The following SNTG1 variants were observed in gnomAD, a reference collection of about 807,000 sequenced individuals.
The protein encoded by SNTG1 is gamma-1-syntrophin.
Under a neutral mutation model 74.7 loss-of-function variants are expected in SNTG1, and 39 were observed. That is an observed-to-expected ratio of 0.52 (90% CI 0.40 to 0.68). The LOEUF is 0.68. Among genes scored for constraint, SNTG1 ranks in the 30% least tolerant of loss-of-function variants. SNTG1 has a pLI of 0.00. For missense variants in SNTG1, 685 were observed against 609.5 expected, an observed-to-expected ratio of 1.12 and a Z score of -1.30; for synonymous variants, 254 against 217.1, an observed-to-expected ratio of 1.17 and a Z score of -1.49.
intron 8 of SNTG1, among the ~76,000 whole-genome samples, chr8:50,500,643 C>A (rs956337298): frequency 2.6e-5 from 4 of 152,108 alleles, no homozygotes; most frequent in Non-Finnish European, 5.9e-5. Context: ...TTAGGTGACT[C>A]TGCCTCTTAC....
intron 8 of SNTG1, among the ~76,000 whole-genome samples, chr8:50,486,894 A>C (rs1370372792): frequency 6.6e-6 from 1 of 152,220 alleles, no homozygotes; most frequent in Non-Finnish European, 1.5e-5. Context: ...CCTTTTCTGC[A>C]TCTATTGAGA....
In SNTG1 at chr8:50,318,909, C is replaced by T. The variant is rs543384432; in HGVS notation, c.-27-75303C>T. On this transcript the variant is annotated intron_variant, in intron 2 of 18. Transcript: ENST00000642720. ...TTCTATTTCAATTCTATAATTCTTA[C>T]GTTTTATCAATAGAATACATATATG... Among the ~76,000 whole-genome samples the T allele has an allele frequency of 2.2e-4, 34 of 151,652 alleles. No homozygotes were observed. The East Asian group carries it at 4.3e-3, about 19-fold the overall frequency.
At chr8:50,097,313 C>A (rs1384523015) in intron 1 of SNTG1, among the ~76,000 whole-genome samples, 1 of 149,310 alleles carries the variant, frequency 6.7e-6, no homozygotes, top group African/African-American at 2.5e-5. Flanking sequence ...TTGATATAGT[C>A]CATGTTGAAG....
intron 17 of SNTG1, among the ~76,000 whole-genome samples, chr8:50,729,347 C>T (rs777739923): frequency 6.6e-6 from 1 of 152,142 alleles, no homozygotes; most frequent in Non-Finnish European, 1.5e-5. Context: ...CTACAAGGGC[C>T]TCTGACTAAG....
At chr8:50,523,038 A>C (rs1011226237) in intron 9 of SNTG1, among the ~76,000 whole-genome samples, 4 of 152,146 alleles carry the variant, frequency 2.6e-5, no homozygotes, top group Non-Finnish European at 5.9e-5. Context: ...TTGTTTCTTC[A>C]TCTTGTAATT....
At chr8:50,497,885 T>A (rs757145694) in intron 8 of SNTG1, among the ~76,000 whole-genome samples, 2 of 152,034 alleles carry the variant, frequency 1.3e-5, no homozygotes, top group Non-Finnish European at 2.9e-5. Flanking sequence ...CTGGCTTCTT[T>A]CACTAAATAT....
At chr8:50,246,554 C>T (rs1028616344) in intron 2 of SNTG1, among the ~76,000 whole-genome samples, 1 of 151,020 alleles carries the variant, frequency 6.6e-6, no homozygotes, top group African/African-American at 2.4e-5. Flanking sequence ...CAGAAGGAGC[C>T]AAATCAGGGT....
chr8:50,378,528 G>T (rs2092427434), intron 2 of SNTG1, among the ~76,000 whole-genome samples: 1 of 152,156 alleles, frequency 6.6e-6, no homozygotes, highest in African/African-American at 2.4e-5. Flanking sequence ...GAGGTGTGCA[G>T]ACAAGTGGAG....
chr8:50,363,577 C>T (rs963691432), intron 2 of SNTG1, among the ~76,000 whole-genome samples: 13 of 151,902 alleles, frequency 8.6e-5, no homozygotes, highest in African/African-American at 3.1e-4. Flanking sequence ...AGTGAGGAAA[C>T]GAGAAATTCA....
intron 12 of SNTG1, among the ~76,000 whole-genome samples, chr8:50,590,560 G>A (rs1382001381): frequency 6.6e-6 from 1 of 152,020 alleles, no homozygotes; most frequent in African/African-American, 2.4e-5. Flanking sequence ...ATAAACCACA[G>A]AAAGTTACAC....
At chr8:50,493,587 A>C (rs914177372) in intron 8 of SNTG1, among the ~76,000 whole-genome samples, 1 of 152,114 alleles carries the variant, frequency 6.6e-6, no homozygotes, top group Non-Finnish European at 1.5e-5. Context: ...AGTGGTGTTG[A>C]TTAAACATTT....
intron 12 of SNTG1, among the ~76,000 whole-genome samples, chr8:50,557,196 G>C (rs989811592): frequency 6.8e-6 from 1 of 147,114 alleles, no homozygotes; most frequent in African/African-American, 2.5e-5. Context: ...GGCAGGGGTA[G>C]AGGTTGGAGA....
chr8:49,952,930 C>A (rs1241330368), intron 1 of SNTG1, among the ~76,000 whole-genome samples: 1 of 152,092 alleles, frequency 6.6e-6, no homozygotes, highest in African/African-American at 2.4e-5. Context: ...TGACTGGTGG[C>A]ATAGGCAGAA....
chr8:50,295,858 C>T (rs1258144944), intron 2 of SNTG1, among the ~76,000 whole-genome samples: 1 of 152,002 alleles, frequency 6.6e-6, no homozygotes, highest in Admixed American at 6.6e-5. Context: ...ACAAAATGTT[C>T]CTCATTTGAG....
At chr8:50,453,865 C>T (rs1011848738) in intron 8 of SNTG1, among the ~76,000 whole-genome samples, 2 of 152,198 alleles carry the variant, frequency 1.3e-5, no homozygotes, top group African/African-American at 4.8e-5. Flanking sequence ...TGCTGCTGCT[C>T]AGCATCCCAT....
chr8:50,428,724 C>T (rs1334238990), intron 4 of SNTG1, among the ~76,000 whole-genome samples: 2 of 152,080 alleles, frequency 1.3e-5, no homozygotes, highest in South Asian at 4.1e-4. Context: ...CAAGAAACCT[C>T]AGAAGTGCTG....
At chr8:50,314,313 C>G (rs1476837604) in intron 2 of SNTG1, among the ~76,000 whole-genome samples, 2 of 149,208 alleles carry the variant, frequency 1.3e-5, no homozygotes, top group African/African-American at 5.0e-5. Flanking sequence ...TTTTGATCAA[C>G]TTGATTGGGA....
chr8:50,057,041 A>G (rs1265449049), intron 1 of SNTG1, among the ~76,000 whole-genome samples: 1 of 152,208 alleles, frequency 6.6e-6, no homozygotes, highest in Non-Finnish European at 1.5e-5. Context: ...GTCATATTTC[A>G]TCATGCACTT....
At chr8:50,318,592 G>A (rs973840899) in intron 2 of SNTG1, among the ~76,000 whole-genome samples, 3 of 152,136 alleles carry the variant, frequency 2.0e-5, no homozygotes, top group Admixed American at 6.5e-5. Flanking sequence ...TTCTCCAAAG[G>A]ATCTTAATGG....
Sources: allele counts gnomAD v4.1 joint callset (sites outside exome capture counted in the v4.1 genomes callset), GRCh38; gene constraint gnomAD v4.1.1; transcripts MANE v1.5; gene names NCBI Gene and HGNC (gene_info 2026-07-23, HGNC 2026-07-21).